The following GRB2 variants were observed in gnomAD, a reference collection of about 807,000 sequenced individuals.
The protein encoded by GRB2 is growth factor receptor-bound protein 2.
A neutral mutation model predicts 27.4 loss-of-function variants in GRB2; 2 were observed. That is an observed-to-expected ratio of 0.07 (90% CI 0.03 to 0.23). The LOEUF (loss-of-function observed/expected upper bound fraction) is 0.23, where lower values mean the gene tolerates loss of function less well. GRB2 is among the 10% of genes least tolerant of loss of function. GRB2 has a pLI of 1.00. For synonymous variants in GRB2, 94 were observed against 99.6 expected, an observed-to-expected ratio of 0.94 and a Z score of 0.33; for missense variants, 102 against 282.4, an observed-to-expected ratio of 0.36 and a Z score of 4.58.
chr17:75,399,367 CTTTTT>C (rs71161208), intron 1 of GRB2, among the ~76,000 whole-genome samples: 5 of 107,950 alleles, frequency 4.6e-5, no homozygotes, highest in Admixed American at 1.0e-4. Context: ...ACAATCTTTT[CTTTTT>C]TTTTTTTTTT....
intron 2 of GRB2, among the ~76,000 whole-genome samples, chr17:75,381,507 A>C (rs1313032991): frequency 6.6e-6 from 1 of 151,896 alleles, no homozygotes; most frequent in Non-Finnish European, 1.5e-5. Context: ...TCATGAGGTC[A>C]GGAGTTCGAG....
At chr17:75,333,277 T>C (rs887609144) in intron 2 of GRB2, among the ~76,000 whole-genome samples, 1 of 152,154 alleles carries the variant, frequency 6.6e-6, no homozygotes, top group Admixed American at 6.6e-5. Context: ...GGTTTCACCA[T>C]GTTGGCCAGG....
intron 1 of GRB2, 93 bp from the exon 2 acceptor site, chr17:75,393,858 C>CT: frequency 3.7e-6 from 2 of 543,306 alleles, no homozygotes; most frequent in Non-Finnish European, 3.2e-6. Context: ...CCCACGCCCC[C>CT]TGGCTCGGCC....
intron 2 of GRB2, among the ~76,000 whole-genome samples, chr17:75,366,713 C>T (rs1340744468): frequency 3.3e-5 from 5 of 151,992 alleles, no homozygotes; most frequent in East Asian, 1.9e-4. Flanking sequence ...GGGAGGCTGA[C>T]GTGGGAGGAT....
At chr17:75,346,311 T>C (rs1249693731) in intron 2 of GRB2, among the ~76,000 whole-genome samples, 2 of 151,878 alleles carry the variant, frequency 1.3e-5, no homozygotes, top group Admixed American at 6.6e-5. Flanking sequence ...CTGGCCAACA[T>C]GGTAAAACCC....
At chr17:75,339,816 A>G (rs1291156569) in intron 2 of GRB2, among the ~76,000 whole-genome samples, 1 of 151,918 alleles carries the variant, frequency 6.6e-6, no homozygotes, top group Non-Finnish European at 1.5e-5. Context: ...TTTAGTAGAG[A>G]TGGAGTTTCG....
intron 2 of GRB2, among the ~76,000 whole-genome samples, chr17:75,350,708 G>A (rs987856267): frequency 6.6e-6 from 1 of 152,082 alleles, no homozygotes; most frequent in Admixed American, 6.6e-5. Flanking sequence ...TAGCCAGGAT[G>A]GTCTCGATCT....
chr17:75,388,176 A>T (rs1291695255), intron 2 of GRB2, among the ~76,000 whole-genome samples: 1 of 151,946 alleles, frequency 6.6e-6, no homozygotes, highest in Non-Finnish European at 1.5e-5. Context: ...GGCTCACTGG[A>T]ACCTCCACAT....
intron 2 of GRB2, among the ~76,000 whole-genome samples, chr17:75,378,648 C>A (rs2078909577): frequency 1.3e-5 from 2 of 152,110 alleles, no homozygotes; most frequent in South Asian, 4.1e-4. Flanking sequence ...AGTTCTAGTA[C>A]AAGCTTAAAC....
chr17:75,358,699 C>CT (rs1491171916), intron 2 of GRB2, among the ~76,000 whole-genome samples: 1 of 28,640 alleles, frequency 3.5e-5, no homozygotes, highest in Non-Finnish European at 6.7e-5. Flanking sequence ...CCCATCTCTA[C>CT]TAAAAAAAAA....
intron 2 of GRB2, among the ~76,000 whole-genome samples, chr17:75,335,045 C>A (rs1160464950): frequency 1.3e-5 from 2 of 151,766 alleles, no homozygotes; most frequent in Non-Finnish European, 2.9e-5. Flanking sequence ...GCTCAAGTAT[C>A]CTCCTGCCTC....
chr17:75,362,767 G>A (rs911564459), intron 2 of GRB2, among the ~76,000 whole-genome samples: 9 of 152,052 alleles, frequency 5.9e-5, no homozygotes, highest in African/African-American at 2.2e-4. Context: ...CTCCTGTGTG[G>A]GTACCTAAGT....
intron 2 of GRB2, among the ~76,000 whole-genome samples, chr17:75,382,732 G>A (rs576904417): frequency 3.0e-5 from 4 of 134,524 alleles, no homozygotes; most frequent in East Asian, 2.3e-4. Flanking sequence ...TATTTTAGAC[G>A]GAGTCTTGTG....
chr17:75,388,071 T>G (rs2145868656), intron 2 of GRB2, among the ~76,000 whole-genome samples: 1 of 152,242 alleles, frequency 6.6e-6, no homozygotes, highest in East Asian at 1.9e-4. Flanking sequence ...TTAAGAGCAC[T>G]CAAACAACAA....
intron 2 of GRB2, among the ~76,000 whole-genome samples, chr17:75,352,276 C>T (rs72845384): frequency 4.6e-5 from 7 of 152,194 alleles, no homozygotes; most frequent in Admixed American, 6.5e-5. Flanking sequence ...AGCCTTGCTC[C>T]GCCTCTAGTT....
intron 2 of GRB2, among the ~76,000 whole-genome samples, chr17:75,337,392 A>AAAAG (rs978111457): frequency 6.6e-6 from 1 of 151,734 alleles, no homozygotes; most frequent in Non-Finnish European, 1.5e-5. Flanking sequence ...TTAAAAAAAA[A>AAAAG]AAAGAAAGAA....
intron 2 of GRB2, among the ~76,000 whole-genome samples, chr17:75,376,803 A>G (rs1008839720): frequency 6.6e-6 from 1 of 152,034 alleles, no homozygotes; most frequent in Non-Finnish European, 1.5e-5. Context: ...GAAGTTTGAG[A>G]CAAGCCTGGG....
intron 2 of GRB2, among the ~76,000 whole-genome samples, chr17:75,363,593 CTCACGCCTGT>C (rs2078799452): frequency 6.6e-6 from 1 of 152,014 alleles, no homozygotes; most frequent in Admixed American, 6.6e-5. Context: ...GGCATGGTGG[CTCACGCCTGT>C]AATCCCAGCA....
intron 2 of GRB2, among the ~76,000 whole-genome samples, chr17:75,362,142 T>C (rs901124170): frequency 1.4e-4 from 21 of 151,888 alleles, no homozygotes; most frequent in Admixed American, 1.1e-3. Context: ...ATGAGAAAAA[T>C]AAAGAAGGGC....
Sources: gnomAD v4.1 joint callset for allele counts (sites outside exome capture counted in the v4.1 genomes callset) on GRCh38, gnomAD v4.1.1 for gene constraint, MANE v1.5 for transcripts, NCBI Gene and HGNC (gene_info 2026-07-23, HGNC 2026-07-21) for gene names.